SLC22A4: variants seen among roughly 807,000 people sequenced by gnomAD.
SLC22A4 encodes ET transporter.
A neutral mutation model predicts 56.6 loss-of-function variants in SLC22A4; 39 were observed. That is an observed-to-expected ratio of 0.69 (90% CI 0.53 to 0.90). The LOEUF (loss-of-function observed/expected upper bound fraction) is 0.90, where lower values mean the gene tolerates loss of function less well. SLC22A4 is among the 40% of genes least tolerant of loss of function. The pLI is 0.00. For synonymous variants in SLC22A4, 241 were observed against 281.4 expected, an observed-to-expected ratio of 0.86 and a Z score of 1.44; for missense variants, 594 against 696.5, an observed-to-expected ratio of 0.85 and a Z score of 1.66.
chr5:132,306,486 GC>G (rs1750043823), intron 1 of SLC22A4, among the ~76,000 whole-genome samples: 1 of 128,560 alleles, frequency 7.8e-6, no homozygotes, highest in African/African-American at 2.9e-5. Flanking sequence ...TCACTTTGTT[GC>G]CCAGGCTGGA....
chr5:132,302,337 C>A (rs1392565484), intron 1 of SLC22A4, among the ~76,000 whole-genome samples: 1 of 152,130 alleles, frequency 6.6e-6, no homozygotes, highest in East Asian at 1.9e-4. Flanking sequence ...TCAGGGGGAG[C>A]TGCAGGTACC....
At chr5:132,307,458 A>G (rs1393674215) in intron 1 of SLC22A4, among the ~76,000 whole-genome samples, 1 of 152,136 alleles carries the variant, frequency 6.6e-6, no homozygotes, top group Non-Finnish European at 1.5e-5. Flanking sequence ...AATAATTTTT[A>G]TTTCTTAGAA....
chr5:132,299,681 T>C (rs1450666393), intron 1 of SLC22A4, among the ~76,000 whole-genome samples: 1 of 152,216 alleles, frequency 6.6e-6, no homozygotes, highest in African/African-American at 2.4e-5. Flanking sequence ...CTCGAACTCC[T>C]GACCTAAGGT....
At position 132,298,706 on chromosome 5, in the gene SLC22A4, G is replaced by T. The variant is rs140394126; in HGVS notation, c.393+3697G>T. Among the ~76,000 whole-genome samples, 673 of 152,342 alleles carry T rather than the reference G, an allele frequency of 4.4e-3. 2 individuals are homozygous for T. Among genetic ancestry groups the T allele is most frequent in the Non-Finnish European group, 7.5e-3 (513 of 68,024 alleles). On this transcript the variant is annotated intron_variant, in intron 1 of 9. Transcript: ENST00000200652. Reference sequence around the variant, plus strand: ...TGAGATAATGCCCCATGCCCCATCCGGTGGTGGCCAGCACAGAGTGTGGCA... The same window carrying T: ...TGAGATAATGCCCCATGCCCCATCCTGTGGTGGCCAGCACAGAGTGTGGCA...
intron 1 of SLC22A4, chr5:132,295,704 C>CG: frequency 5.3e-6 from 1 of 190,438 alleles, no homozygotes; most frequent in Non-Finnish European, 1.1e-5. Flanking sequence ...AATGAGGATG[C>CG]ACACACACTT....
chr5:132,334,786 T>G lies in SLC22A4; in HGVS notation c.1115T>G (p.Leu372Arg). 1 of 1,614,102 alleles carries G rather than the reference T, an allele frequency of 6.2e-7. No homozygotes were observed. The highest frequency in any genetic ancestry group is 8.5e-7 in the Non-Finnish European group (1 of 1,179,922). Residue 372 changes from leucine (L) to arginine (R), a missense_variant, in exon 7 of 10, where the codon CTG becomes CGG. Transcript: ENST00000200652. ...DAPNLHGDAY[L>R]NCFLSALIEI... ...CCTAATTTACATGGAGATGCCTACCTGAACTGTTTCCTCTCTGCCTTGATT... is the reference window on the plus strand; with the variant it reads ...CCTAATTTACATGGAGATGCCTACCGGAACTGTTTCCTCTCTGCCTTGATT...
chr5:132,334,953 A>G, intron 7 of SLC22A4, 21 bp downstream of exon 7: 1 of 1,551,192 alleles, frequency 6.4e-7, no homozygotes, highest in Non-Finnish European at 8.9e-7. Context: ...AACCAAGATG[A>G]ACAGCTTACC....
intron 5 of SLC22A4, among the ~76,000 whole-genome samples, chr5:132,328,770 T>C (rs1750757648): frequency 1.3e-5 from 2 of 151,938 alleles, no homozygotes; most frequent in Non-Finnish European, 2.9e-5. Context: ...TATATAGTTA[T>C]GGACAAATAA....
At chr5:132,309,952 C>T (rs2126708317) in intron 1 of SLC22A4, among the ~76,000 whole-genome samples, 1 of 152,364 alleles carries the variant, frequency 6.6e-6, no homozygotes, top group African/African-American at 2.4e-5. Context: ...CTTTTCTGCT[C>T]AACTGCAGAT....
chr5:132,299,873 G>A (rs143765869), intron 1 of SLC22A4, among the ~76,000 whole-genome samples: 6 of 152,300 alleles, frequency 3.9e-5, no homozygotes, highest in South Asian at 2.1e-4. Flanking sequence ...TTAAATACGC[G>A]TTATGCATTT....
Position 132,344,072 on chromosome 5 carries a change from G to T in SLC22A4, c.*237G>T. On this transcript the variant is annotated 3_prime_UTR_variant, in exon 10 of 10. Transcript: ENST00000200652. ...CTCATTAATTCAATGAAATGGATTGGTAAGATGTCTTGAAAACATGTTAGT... is the reference window on the plus strand; with the variant it reads ...CTCATTAATTCAATGAAATGGATTGTTAAGATGTCTTGAAAACATGTTAGT... 6.3e-6 allele frequency: 3 copies of T among 479,356 alleles called. No homozygotes were observed. The Admixed American group carries it at 1.2e-4, about 18-fold the overall frequency. The allele number at this position is 479,356 out of a possible 1,614,324, so 29.7% of individuals were successfully genotyped here. A position where few individuals can be genotyped will look rare whatever the true frequency, so the allele number is the denominator to read the frequency against.
intron 3 of SLC22A4, among the ~76,000 whole-genome samples, chr5:132,316,033 T>C (rs796297090): frequency 4.6e-5 from 7 of 152,270 alleles, no homozygotes; most frequent in African/African-American, 1.7e-4. Flanking sequence ...TGGGATAAAA[T>C]AGCTGAATTC....
chr5:132,335,891 T>C lies in SLC22A4; in HGVS notation c.1335T>C (p.Tyr445=), dbSNP rs756609362. The C allele has an allele frequency of 3.1e-6, 5 of 1,614,186 alleles. No individual in the cohort carries two copies. The Admixed American group carries it at 8.3e-5, about 27-fold the overall frequency. ...FGITSAFSML[Y]VFTAELYPTL... ...TCACCTCTGCTTTCTCCATGCTGTA[T>C]GTCTTCACTGCTGAGCTCTACCCAA... The change falls in exon 8 of 10, where the codon TAT becomes TAC. Residue 445 remains tyrosine (Y), a synonymous_variant. Coordinates refer to ENST00000200652, the MANE Select transcript of SLC22A4 (RefSeq NM_003059.3).
At chr5:132,297,936 A>G (rs1417533367) in intron 1 of SLC22A4, among the ~76,000 whole-genome samples, 1 of 152,158 alleles carries the variant, frequency 6.6e-6, no homozygotes, top group Middle Eastern at 3.2e-3. Flanking sequence ...TGACAGGGCA[A>G]GACCCCACCT....
chr5:132,338,861 G>A (rs1326323693), intron 8 of SLC22A4, among the ~76,000 whole-genome samples: 4 of 152,116 alleles, frequency 2.6e-5, no homozygotes, highest in African/African-American at 9.7e-5. Context: ...TGCAGTTAAC[G>A]CAATCATCAC....
At chr5:132,317,865 G>A (rs1345841252) in intron 3 of SLC22A4, among the ~76,000 whole-genome samples, 1 of 152,156 alleles carries the variant, frequency 6.6e-6, no homozygotes, top group Admixed American at 6.5e-5. Flanking sequence ...GGATGAGCTG[G>A]CATATAAATA....
rs1189163352 is a variant in SLC22A4 at position 132,334,934 on chromosome 5, TAAG to T, written c.1261+6_1261+8del. 1.9e-6 allele frequency: 3 copies of T among 1,603,310 alleles called. No individual in the cohort carries two copies. The highest frequency in any genetic ancestry group is 2.6e-6 in the Non-Finnish European group (3 of 1,171,366). The stretch of plus-strand genomic sequence containing the variant: ...TCTTCATTCAACTGGTACCTGTGGG[TAAG>T]AAGTTAACCAAGATGAACAGCTTAC... On this transcript the variant is annotated splice_donor_5th_base_variant and intron_variant, in intron 7 of 9. Coordinates refer to ENST00000200652, the MANE Select transcript of SLC22A4 (RefSeq NM_003059.3).
At chr5:132,335,700 G>A (rs574336246) in intron 7 of SLC22A4, 118 bp from the exon 8 acceptor site, 3 of 859,402 alleles carry the variant, frequency 3.5e-6, no homozygotes, top group African/African-American at 3.3e-5. Context: ...GCTATTTTGG[G>A]AATATATTTA....
chr5:132,342,765 T>C (rs1217152001), intron 9 of SLC22A4, among the ~76,000 whole-genome samples: 2 of 152,250 alleles, frequency 1.3e-5, no homozygotes, highest in African/African-American at 2.4e-5. Flanking sequence ...AAGAGGTACA[T>C]ACAGAGAGGT....
Sources: gnomAD v4.1 joint callset for allele counts (sites outside exome capture counted in the v4.1 genomes callset) on GRCh38, gnomAD v4.1.1 for gene constraint, MANE v1.5 for transcripts, NCBI Gene and HGNC (gene_info 2026-07-23, HGNC 2026-07-21) for gene names.